The following SRL variants were observed in gnomAD, a reference collection of about 807,000 sequenced individuals.
SRL encodes the protein sarcalumenin.
Under a neutral mutation model 39.5 loss-of-function variants are expected in SRL, and 23 were observed. That is an observed-to-expected ratio of 0.58 (90% confidence interval 0.42 to 0.82). SRL has a LOEUF of 0.82. SRL is among the 40% of genes least tolerant of loss of function. The pLI is 0.00. For missense variants in SRL, 592 were observed against 607.8 expected, an observed-to-expected ratio of 0.97 and a Z score of 0.27; for synonymous variants, 272 against 237.4, an observed-to-expected ratio of 1.15 and a Z score of -1.34.
chr16:4,221,131 C>G lies in SRL; in HGVS notation c.62-16497G>C, dbSNP rs186115680. ...TGGCACTATCTCAGGTCACTGCAACCTCTGCCTCCTGGGTTCAAGTGATTC... is the reference window on the plus strand; with the variant it reads ...TGGCACTATCTCAGGTCACTGCAACGTCTGCCTCCTGGGTTCAAGTGATTC... On this transcript the variant is annotated intron_variant, in intron 1 of 5. Coordinates refer to ENST00000399609, the MANE Select transcript of SRL (RefSeq NM_001098814.2). Among the ~76,000 whole-genome samples the G allele has an allele frequency of 4.0e-3, 605 of 152,102 alleles. 5 individuals are homozygous for G. The highest frequency in any genetic ancestry group is 6.7e-3 in the Non-Finnish European group (456 of 67,976).
intron 1 of SRL, chr16:4,207,727 C>T: frequency 2.4e-6 from 1 of 412,878 alleles, no homozygotes. Context: ...GAACTGGGCT[C>T]CGGCCACTCC....
At chr16:4,194,617 G>A (rs1398657476) in intron 5 of SRL, among the ~76,000 whole-genome samples, 2 of 152,136 alleles carry the variant, frequency 1.3e-5, no homozygotes, top group African/African-American at 4.8e-5. Context: ...TGGCTACACA[G>A]GACACACAGG....
intron 3 of SRL, 29 bp from the exon 4 acceptor site, chr16:4,197,944 T>C (rs1157069860): frequency 6.7e-7 from 1 of 1,483,364 alleles, no homozygotes; most frequent in Non-Finnish European, 9.4e-7. Context: ...AGAAATGGAA[T>C]AAAACTAACA....
intron 1 of SRL, among the ~76,000 whole-genome samples, chr16:4,213,355 C>T (rs537159437): frequency 8.1e-5 from 12 of 148,766 alleles, no homozygotes; most frequent in South Asian, 4.2e-4. Flanking sequence ...TTTTCTCCAA[C>T]GTCCCAAGAC....
intron 3 of SRL, among the ~76,000 whole-genome samples, chr16:4,198,422 G>C (rs1325513736): frequency 6.6e-6 from 1 of 152,020 alleles, no homozygotes; most frequent in Admixed American, 6.6e-5. Flanking sequence ...GCCTAATCCT[G>C]GACTCTGAGG....
intron 1 of SRL, among the ~76,000 whole-genome samples, chr16:4,211,976 T>G (rs1365888566): frequency 6.6e-6 from 1 of 152,258 alleles, no homozygotes; most frequent in East Asian, 1.9e-4. Context: ...TTTCTGACAG[T>G]CTCAAAAGCC....
chr16:4,207,320 G>T (rs751301332), intron 1 of SRL: 1 of 456,736 alleles, frequency 2.2e-6, no homozygotes, highest in East Asian at 7.0e-5. Context: ...CGCTTTGGGC[G>T]CCCCCAGGCT....
chr16:4,239,352 C>G (rs1401209342), intron 1 of SRL, among the ~76,000 whole-genome samples: 1 of 152,190 alleles, frequency 6.6e-6, no homozygotes, highest in East Asian at 1.9e-4. Flanking sequence ...ATGGGCAAGT[C>G]TGAAGCTAGG....
intron 1 of SRL, among the ~76,000 whole-genome samples, chr16:4,236,307 A>C (rs1179437291): frequency 6.6e-6 from 1 of 152,078 alleles, no homozygotes; most frequent in African/African-American, 2.4e-5. Flanking sequence ...CATCTCTGTG[A>C]TATTTAATCC....
intron 1 of SRL, among the ~76,000 whole-genome samples, chr16:4,220,844 G>A (rs554815360): frequency 6.6e-6 from 1 of 151,426 alleles, no homozygotes; most frequent in Non-Finnish European, 1.5e-5. Context: ...AAATTAGCTG[G>A]GCCTCGCGGT....
intron 1 of SRL, among the ~76,000 whole-genome samples, chr16:4,213,356 G>A (rs145162681): frequency 7.3e-4 from 104 of 142,284 alleles, no homozygotes; most frequent in African/African-American, 2.6e-3. Context: ...TTTCTCCAAC[G>A]TCCCAAGACA....
intron 1 of SRL, among the ~76,000 whole-genome samples, chr16:4,214,691 G>A (rs1161927816): frequency 6.6e-6 from 1 of 152,082 alleles, no homozygotes; most frequent in Non-Finnish European, 1.5e-5. Flanking sequence ...TGGGCCAGCA[G>A]CCTCTTCTGG....
chr16:4,207,304 C>T (rs1015329766), intron 1 of SRL: 2 of 456,876 alleles, frequency 4.4e-6, no homozygotes, highest in Non-Finnish European at 8.8e-6. Flanking sequence ...GTGTCCCCTG[C>T]CTTAACGCTT....
At chr16:4,238,757 G>A (rs1054910330) in intron 1 of SRL, among the ~76,000 whole-genome samples, 2 of 151,582 alleles carry the variant, frequency 1.3e-5, no homozygotes, top group African/African-American at 2.4e-5. Flanking sequence ...CAAGTAGCTG[G>A]GACCACAGGC....
intron 2 of SRL, 54 bp downstream of exon 2, chr16:4,204,479 G>GA (rs2052288920): frequency 5.2e-6 from 8 of 1,537,040 alleles, no homozygotes; most frequent in Non-Finnish European, 7.2e-6. Flanking sequence ...AGTCTGCCCG[G>GA]GCCCTGGTGG....
At chr16:4,206,654 C>G in intron 1 of SRL, 1 of 456,530 alleles carries the variant, frequency 2.2e-6, no homozygotes, top group Non-Finnish European at 4.4e-6. Context: ...CTGCCTGTCC[C>G]CTACACACAA....
intron 1 of SRL, among the ~76,000 whole-genome samples, chr16:4,205,044 C>T (rs1267838958): frequency 3.3e-5 from 5 of 151,810 alleles, no homozygotes; most frequent in South Asian, 4.2e-4. Flanking sequence ...ACGCTAGGGC[C>T]GAGTGCAGTG....
intron 1 of SRL, among the ~76,000 whole-genome samples, chr16:4,208,393 CG>C (rs1211547393): frequency 3.3e-5 from 5 of 152,148 alleles, no homozygotes; most frequent in Non-Finnish European, 7.3e-5. Flanking sequence ...GAACCGCCCC[CG>C]CACCGCGACC....
At chr16:4,200,841 G>C (rs137896833) in intron 3 of SRL, among the ~76,000 whole-genome samples, 118 of 152,290 alleles carry the variant, frequency 7.7e-4, no homozygotes, top group African/African-American at 2.5e-3. Flanking sequence ...AGAGCAGGAA[G>C]AATACAAACC....
Sources: allele counts gnomAD v4.1 joint callset (sites outside exome capture counted in the v4.1 genomes callset), GRCh38; gene constraint gnomAD v4.1.1; transcripts MANE v1.5; gene names NCBI Gene and HGNC (gene_info 2026-07-23, HGNC 2026-07-21).